Variants in SCRN1 observed in about 807,000 individuals in gnomAD.
The protein encoded by SCRN1 is secernin-1.
In SCRN1, 19 loss-of-function variants were observed where a neutral mutation model predicts 43.3. The ratio of observed to expected loss-of-function variants is 0.44; its 90% confidence interval spans 0.31 to 0.64. The LOEUF (loss-of-function observed/expected upper bound fraction) is 0.64. Among genes scored for constraint, SCRN1 ranks in the 30% least tolerant of loss-of-function variants. The pLI is 0.09. For synonymous variants in SCRN1, 183 were observed against 188.9 expected (o/e 0.97, Z 0.26); for missense variants, 447 against 524.1 (o/e 0.85, Z 1.44).
chr7:29,987,896 C>T (rs1208888759), intron 1 of SCRN1, among the ~76,000 whole-genome samples: 1 of 152,206 alleles, frequency 6.6e-6, no homozygotes, highest in Admixed American at 6.5e-5. Context: ...TGACAGCAGG[C>T]TCCTTAAGAC....
chr7:29,975,955 G>A (rs1788818755), intron 1 of SCRN1, among the ~76,000 whole-genome samples: 1 of 152,104 alleles, frequency 6.6e-6, no homozygotes, highest in Non-Finnish European at 1.5e-5. Context: ...GCATGCTATT[G>A]GAGGAGAGGA....
At chr7:29,961,516 A>C (rs1391501346) in intron 2 of SCRN1, among the ~76,000 whole-genome samples, 2 of 147,568 alleles carry the variant, frequency 1.4e-5, no homozygotes, top group Non-Finnish European at 3.0e-5. Context: ...TCTTTTCCCC[A>C]CCTTTCCCGC....
At chr7:29,945,485 G>C (rs1562808863) in intron 3 of SCRN1, among the ~76,000 whole-genome samples, 1 of 152,208 alleles carries the variant, frequency 6.6e-6, no homozygotes, top group Non-Finnish European at 1.5e-5. Context: ...TTGAACTTCA[G>C]TTTTATGTCA....
chr7:29,985,603 T>C (rs1036564739), intron 1 of SCRN1, among the ~76,000 whole-genome samples: 13 of 151,950 alleles, frequency 8.6e-5, no homozygotes, highest in Admixed American at 8.5e-4. Flanking sequence ...AATGAGGAAG[T>C]TACTTTCCAA....
intron 2 of SCRN1, among the ~76,000 whole-genome samples, chr7:29,959,182 C>T (rs955045396): frequency 2.0e-5 from 3 of 152,172 alleles, no homozygotes; most frequent in Non-Finnish European, 2.9e-5. Context: ...TAATGAAACA[C>T]AACCATTGTG....
intron 2 of SCRN1, among the ~76,000 whole-genome samples, chr7:29,961,222 C>T (rs1260238982): frequency 7.0e-6 from 1 of 142,900 alleles, no homozygotes; most frequent in South Asian, 2.4e-4. Context: ...TGCGGCCTTC[C>T]GCGGTGTTTG....
rs983119170 is a variant in SCRN1, at chr7:29,923,239, G to A, written c.*718C>T. The A allele has an allele frequency of 3.3e-5, 5 of 152,394 alleles. No individual in the cohort carries two copies. In the East Asian group the frequency reaches 5.8e-4, roughly 18 times the overall value. The allele number at this position is 152,394 out of a possible 1,614,324, so 9.4% of individuals were successfully genotyped here. Reference sequence around the variant, plus strand: ...GCATGGCTATGTCTGAATCTCGGAAGTGAATAGGTTCCAGCTAACAAATTA... The same window carrying A: ...GCATGGCTATGTCTGAATCTCGGAAATGAATAGGTTCCAGCTAACAAATTA... On this transcript the variant is annotated 3_prime_UTR_variant, in exon 8 of 8. Coordinates refer to ENST00000242059, the MANE Select transcript of SCRN1 (RefSeq NM_014766.5).
At chr7:29,968,249 C>T (rs1788558446) in intron 2 of SCRN1, among the ~76,000 whole-genome samples, 1 of 152,036 alleles carries the variant, frequency 6.6e-6, no homozygotes, top group South Asian at 2.1e-4. Context: ...TAATATGGGG[C>T]TGGTTAACTA....
intron 2 of SCRN1, among the ~76,000 whole-genome samples, chr7:29,958,967 T>A (rs2128094966): frequency 6.6e-6 from 1 of 152,302 alleles, no homozygotes; most frequent in East Asian, 1.9e-4. Flanking sequence ...ATAGAAAACA[T>A]GAGCCTCGAA....
At position 29,960,398 on chromosome 7, in the gene SCRN1, T is replaced by C. The variant is rs374707681; in HGVS notation, c.160-5038A>G. ...GAAAACAGACAAAAATTTAAGCTAATTTGAAAAAAAAAATGAGGAAATGAT... is the reference window on the plus strand; with the variant it reads ...GAAAACAGACAAAAATTTAAGCTAACTTGAAAAAAAAAATGAGGAAATGAT... On this transcript the variant is annotated intron_variant, in intron 2 of 7. Transcript: ENST00000242059. Among the ~76,000 whole-genome samples, 26 of 150,774 alleles carry C rather than the reference T, an allele frequency of 1.7e-4. No individual in the cohort carries two copies. In the East Asian group the frequency reaches 5.0e-3, roughly 29 times the overall value.
At chr7:29,986,929 T>G (rs908299719) in intron 1 of SCRN1, among the ~76,000 whole-genome samples, 10 of 152,026 alleles carry the variant, frequency 6.6e-5, no homozygotes, top group Admixed American at 1.3e-4. Context: ...TTTCACCGTG[T>G]TAGCCAGGAT....
At chr7:29,969,276 T>C in intron 1 of SCRN1, 1 of 578,440 alleles carries the variant, frequency 1.7e-6, no homozygotes, top group Non-Finnish European at 3.0e-6. Flanking sequence ...TTTAATACTC[T>C]GTGGGATTAA....
intron 5 of SCRN1, among the ~76,000 whole-genome samples, chr7:29,939,485 T>C (rs1787458159): frequency 6.6e-6 from 1 of 152,172 alleles, no homozygotes; most frequent in South Asian, 2.1e-4. Context: ...CAAAGTACTG[T>C]GATTACAAGC....
Position 29,920,833 on chromosome 7 carries a change from C to G in SCRN1, c.*3124G>C, listed in dbSNP as rs1163283061. 1 of 152,154 alleles carries G rather than the reference C, an allele frequency of 6.6e-6. No homozygotes were observed. Among genetic ancestry groups the G allele is most frequent in the African/African-American group, 2.4e-5 (1 of 41,414 alleles). 9.4% of individuals were successfully genotyped at this position (152,154 alleles called of 1,614,324 possible). A position where few individuals can be genotyped will look rare whatever the true frequency, so the allele number is the denominator to read the frequency against. ...AATGATTCACCCAATAGTAAAGGAA[C>G]CCCACAGCTAAGGTCTAACAGGCAT... On this transcript the variant is annotated 3_prime_UTR_variant, in exon 8 of 8. Coordinates refer to ENST00000242059, the MANE Select transcript of SCRN1 (RefSeq NM_014766.5).
chr7:29,982,636 CTA>C (rs575343568), intron 1 of SCRN1, among the ~76,000 whole-genome samples: 73 of 137,944 alleles, frequency 5.3e-4, no homozygotes, highest in African/African-American at 2.0e-3. Flanking sequence ...TGACCCATGA[CTA>C]TGCCACTGCA....
At chr7:29,947,079 A>G in intron 3 of SCRN1, 3 of 1,260,346 alleles carry the variant, frequency 2.4e-6, no homozygotes, top group Non-Finnish European at 3.2e-6. Flanking sequence ...CCTGGGCAGG[A>G]CCAGGACAGG....
intron 1 of SCRN1, among the ~76,000 whole-genome samples, chr7:29,973,203 C>A (rs1471721216): frequency 1.3e-5 from 2 of 152,194 alleles, no homozygotes; most frequent in Non-Finnish European, 2.9e-5. Context: ...TAAAGGTAAT[C>A]ATAGCTGTAG....
intron 5 of SCRN1, among the ~76,000 whole-genome samples, chr7:29,938,810 T>C (rs1787430474): frequency 6.6e-6 from 1 of 152,220 alleles, no homozygotes; most frequent in African/African-American, 2.4e-5. Context: ...AAGGCTCTCA[T>C]CTCTGAAGGC....
chr7:29,956,225 G>A (rs532682908), intron 2 of SCRN1, among the ~76,000 whole-genome samples: 5 of 152,292 alleles, frequency 3.3e-5, no homozygotes, highest in East Asian at 1.9e-4. Flanking sequence ...GAAGAGGCCC[G>A]GGACCAGGAT....
Sources: gnomAD v4.1 joint callset for allele counts (sites outside exome capture counted in the v4.1 genomes callset) on GRCh38, gnomAD v4.1.1 for gene constraint, MANE v1.5 for transcripts, NCBI Gene and HGNC (gene_info 2026-07-23, HGNC 2026-07-21) for gene names.